Variants in CHID1 observed in about 807,000 individuals in gnomAD.
CHID1 encodes chitinase domain containing 1, also known as chitinase domain-containing protein 1.
CHID1 carries 44 observed loss-of-function variants against 55.4 expected under a neutral mutation model. The ratio of observed to expected loss-of-function variants is 0.79; its 90% confidence interval spans 0.62 to 1.02. The LOEUF (loss-of-function observed/expected upper bound fraction) is 1.02. Ranked by LOEUF, CHID1 falls within the 50% of genes least tolerant of loss-of-function variation. The pLI is 0.00. For synonymous variants in CHID1, 216 were observed against 212.9 expected (o/e 1.01, Z -0.13); for missense variants, 491 against 515.3 (o/e 0.95, Z 0.46).
intron 5 of CHID1, among the ~76,000 whole-genome samples, chr11:900,474 C>G (rs1380017062): frequency 6.6e-6 from 1 of 152,186 alleles, no homozygotes; most frequent in Non-Finnish European, 1.5e-5. Flanking sequence ...CAGAGTCTCT[C>G]CCTTGGCAAC....
At chr11:884,719 G>C (rs906207679) in intron 8 of CHID1, among the ~76,000 whole-genome samples, 1 of 152,232 alleles carries the variant, frequency 6.6e-6, no homozygotes, top group African/African-American at 2.4e-5. Context: ...CCCAGGGATG[G>C]AGCAAGGCTG....
chr11:882,903 G>A, intron 10 of CHID1: 1 of 461,410 alleles, frequency 2.2e-6, no homozygotes, highest in South Asian at 2.9e-5. Flanking sequence ...CTCAGTCCCA[G>A]CCTCACGCAG....
At chr11:870,838 C>T (rs971063926) in intron 10 of CHID1, 2 of 283,212 alleles carry the variant, frequency 7.1e-6, no homozygotes, top group East Asian at 7.8e-5. Flanking sequence ...CAGGGCTCCT[C>T]ACTCTGTCCA....
intron 1 of CHID1, 36 bp downstream of exon 1, chr11:910,739 G>A (rs370233056): frequency 1.6e-6 from 2 of 1,226,658 alleles, no homozygotes; most frequent in Non-Finnish European, 2.1e-6. Flanking sequence ...GGCCGTGCAA[G>A]GAGGAGGAGC....
At chr11:874,481 G>A (rs1185555317) in intron 10 of CHID1, among the ~76,000 whole-genome samples, 1 of 152,082 alleles carries the variant, frequency 6.6e-6, no homozygotes, top group African/African-American at 2.4e-5. Context: ...AAAAGATAGG[G>A]TCTTGTTCTG....
intron 7 of CHID1, among the ~76,000 whole-genome samples, chr11:894,220 C>G (rs1336979909): frequency 6.6e-6 from 1 of 151,802 alleles, no homozygotes; most frequent in Non-Finnish European, 1.5e-5. Context: ...GCAGGGCACT[C>G]CAAGGGCCCC....
intron 2 of CHID1, 151 bp downstream of exon 2, chr11:904,555 C>A (rs1852067761): frequency 3.6e-6 from 3 of 827,712 alleles, no homozygotes; most frequent in Non-Finnish European, 5.6e-6. Context: ...GCCACACAGG[C>A]CACCCACCGG....
chr11:898,915 G>A (rs1268185217), intron 7 of CHID1, among the ~76,000 whole-genome samples: 1 of 152,178 alleles, frequency 6.6e-6, no homozygotes, highest in East Asian at 1.9e-4. Flanking sequence ...CACACCACGG[G>A]TCCTGGCCGT....
At chr11:882,685 AC>A (rs143893596) in intron 10 of CHID1, among the ~76,000 whole-genome samples, 1 of 152,176 alleles carries the variant, frequency 6.6e-6, no homozygotes, top group Non-Finnish European at 1.5e-5. Context: ...CAGTGAAAAA[AC>A]CGACAGCCAG....
upstream of CHID1, chr11:911,602 A>C (rs1226075574): frequency 6.6e-6 from 1 of 152,210 alleles, no homozygotes; most frequent in African/African-American, 2.4e-5. Flanking sequence ...GACACCCTGC[A>C]CAGCTGCTTC....
upstream of CHID1, among the ~76,000 whole-genome samples, chr11:913,722 G>A (rs577455611): frequency 1.9e-4 from 28 of 151,142 alleles, no homozygotes; most frequent in Middle Eastern, 3.5e-3. Flanking sequence ...GCAGTGAGCT[G>A]AGATTGAGCC....
In CHID1 at chr11:904,838, T is replaced by A; in HGVS notation, c.-22A>T. ...GCATGGTAGGTGTGTCACAGTAGGG[T>A]CCAACCTCGGGGTCCAGAGGGCTGC... On this transcript the variant is annotated 5_prime_UTR_variant, in exon 2 of 13. Coordinates refer to ENST00000323578, the MANE Select transcript of CHID1 (RefSeq NM_023947.4). 1 of 1,613,304 alleles carries A rather than the reference T, an allele frequency of 6.2e-7. No individual in the cohort carries two copies.
At chr11:914,393 A>G, upstream of CHID1, 1 of 582,746 alleles carries the variant, frequency 1.7e-6, no homozygotes, top group Admixed American at 2.8e-5. Context: ...CTGCTTGCCC[A>G]CTGCCTGTCT....
In CHID1 at chr11:869,447, A is replaced by T; in HGVS notation, c.*411T>A. ...GCCAGGCCCTGGGGTGATGCTGGGC[A>T]GAGCTGTCCCTGCGAGGGCCCTCGA... On this transcript the variant is annotated 3_prime_UTR_variant, in exon 13 of 13. Transcript: ENST00000323578. The T allele has an allele frequency of 4.2e-6, 1 of 236,792 alleles. No homozygotes were observed. Among genetic ancestry groups the T allele is most frequent in the Non-Finnish European group, 8.4e-6 (1 of 119,560 alleles). The allele number at this position is 236,792 out of a possible 1,614,324, so 14.7% of individuals were successfully genotyped here. A position where few individuals can be genotyped will look rare whatever the true frequency, so the allele number is the denominator to read the frequency against.
intron 1 of CHID1, among the ~76,000 whole-genome samples, chr11:909,328 C>T (rs553284591): frequency 3.3e-4 from 51 of 152,364 alleles, no homozygotes; most frequent in South Asian, 2.7e-3. Flanking sequence ...TTGGGCAGAA[C>T]GGCCCCGCAC....
intron 7 of CHID1, among the ~76,000 whole-genome samples, chr11:896,856 AG>A (rs1231489417): frequency 1.4e-5 from 2 of 141,916 alleles, no homozygotes; most frequent in African/African-American, 5.3e-5. Flanking sequence ...AAGCTGTCTC[AG>A]GGCCCCCAGA....
chr11:899,879 C>T lies in CHID1; in HGVS notation c.546+125G>A, dbSNP rs536889354. 9.2e-4 allele frequency: 614 copies of T among 663,898 alleles called. 1 individual carries two copies. The highest frequency in any genetic ancestry group is 2.1e-3 in the South Asian group (119 of 56,582). 41.1% of individuals were successfully genotyped at this position (663,898 alleles called of 1,614,324 possible). On this transcript the variant is annotated intron_variant, in intron 6 of 12. Coordinates refer to ENST00000323578, the MANE Select transcript of CHID1 (RefSeq NM_023947.4). ...TGCCTTCCCTGGAAGATGGGGGCTG[C>T]ACCAGAAGGTGCCCAGGGCAGAAGA...
chr11:888,132 C>T (rs1850533896), intron 8 of CHID1, among the ~76,000 whole-genome samples: 2 of 152,280 alleles, frequency 1.3e-5, no homozygotes, highest in South Asian at 4.1e-4. Context: ...CACGCAGCCA[C>T]CCACTGACCC....
chr11:909,312 C>T (rs1852463379), intron 1 of CHID1, among the ~76,000 whole-genome samples: 1 of 152,270 alleles, frequency 6.6e-6, no homozygotes. Context: ...TGCCAATGAC[C>T]TTCCCTTGGG....
Sources: gnomAD v4.1 joint callset for allele counts (sites outside exome capture counted in the v4.1 genomes callset) on GRCh38, gnomAD v4.1.1 for gene constraint, MANE v1.5 for transcripts, NCBI Gene and HGNC (gene_info 2026-07-23, HGNC 2026-07-21) for gene names.